The following ABCB5 variants were observed in gnomAD, a reference collection of about 807,000 sequenced individuals.
ABCB5 encodes the protein ATP-binding cassette sub-family B member 5.
In ABCB5, 155 loss-of-function variants were observed where a neutral mutation model predicts 144.2. The observed-to-expected ratio is 1.08, with a 90% CI of 0.94 to 1.23. ABCB5 has a LOEUF of 1.23. Ranked by LOEUF, ABCB5 falls within the 50% of genes most tolerant of loss-of-function variation. ABCB5 has a pLI of 0.00. For missense variants in ABCB5, 1,830 were observed against 1,520.8 expected (o/e 1.20, Z -3.38); for synonymous variants, 610 against 528.6 (o/e 1.15, Z -2.11).
intron 2 of ABCB5, 90 bp downstream of exon 2, chr7:20,623,428 T>C (rs1048270621): frequency 3.0e-5 from 34 of 1,135,646 alleles, no homozygotes; most frequent in Non-Finnish European, 4.2e-5. Context: ...GTTTATAATT[T>C]TTTCCCAAAA....
At chr7:20,742,228 G>T (rs2128055181) in intron 24 of ABCB5, among the ~76,000 whole-genome samples, 1 of 152,224 alleles carries the variant, frequency 6.6e-6, no homozygotes, top group East Asian at 1.9e-4. Context: ...ACAAAAATTG[G>T]CTGGGTGTGG....
intron 19 of ABCB5, 81 bp downstream of exon 19, chr7:20,700,216 A>T: frequency 8.3e-7 from 1 of 1,204,638 alleles, no homozygotes; most frequent in Non-Finnish European, 1.1e-6. Context: ...TCTCAAGTCA[A>T]TTTTTGACAT....
intron 16 of ABCB5, among the ~76,000 whole-genome samples, chr7:20,688,929 G>C (rs1274492330): frequency 6.6e-6 from 1 of 151,810 alleles, no homozygotes; most frequent in South Asian, 2.1e-4. Flanking sequence ...AGAACACTTG[G>C]ACACAGGAAG....
intron 14 of ABCB5, among the ~76,000 whole-genome samples, chr7:20,672,458 G>A (rs1785479015): frequency 6.6e-6 from 1 of 152,140 alleles, no homozygotes; most frequent in East Asian, 1.9e-4. Context: ...TGAGTGTGGG[G>A]CTTAATACCC....
intron 5 of ABCB5, among the ~76,000 whole-genome samples, chr7:20,639,622 G>T (rs1307955720): frequency 1.3e-5 from 2 of 152,130 alleles, no homozygotes; most frequent in Non-Finnish European, 2.9e-5. Flanking sequence ...CAATTAAATT[G>T]CCTTGGCACC....
At chr7:20,697,778 A>T (rs1355054099) in intron 16 of ABCB5, among the ~76,000 whole-genome samples, 3 of 152,230 alleles carry the variant, frequency 2.0e-5, no homozygotes, top group African/African-American at 7.2e-5. Flanking sequence ...TGTACTGAAT[A>T]AAGCTTAATT....
At chr7:20,718,938 CA>C (rs1781773801) in intron 20 of ABCB5, among the ~76,000 whole-genome samples, 1 of 152,036 alleles carries the variant, frequency 6.6e-6, no homozygotes. Flanking sequence ...AGATTTTTCA[CA>C]AAGATGTTCA....
At chr7:20,687,232 T>C (rs2128040468) in intron 16 of ABCB5, among the ~76,000 whole-genome samples, 1 of 152,310 alleles carries the variant, frequency 6.6e-6, no homozygotes, top group East Asian at 1.9e-4. Flanking sequence ...TATGGAAATC[T>C]GCCTCTAGGT....
Position 20,651,263 on chromosome 7 carries a change from G to A in ABCB5, c.1333-157G>A, listed in dbSNP as rs989405221. ...TGCCCATCTACCAGAAAAAGTCTATGGACAATATATATGTTAGAAATATTT... is the reference window on the plus strand; with the variant it reads ...TGCCCATCTACCAGAAAAAGTCTATAGACAATATATATGTTAGAAATATTT... On this transcript the variant is annotated intron_variant, in intron 12 of 27. Coordinates refer to ENST00000404938, the MANE Select transcript of ABCB5 (RefSeq NM_001163941.2). 2.6e-5 allele frequency among the ~76,000 whole-genome samples: 4 copies of A among 151,972 alleles called. No individual in the cohort carries two copies. In the East Asian group the frequency reaches 7.7e-4, roughly 29 times the overall value.
intron 13 of ABCB5, among the ~76,000 whole-genome samples, chr7:20,654,601 A>C (rs769836070): frequency 1.3e-5 from 2 of 152,224 alleles, no homozygotes; most frequent in Non-Finnish European, 2.9e-5. Context: ...GGGCCATCAA[A>C]ACAAACAAAA....
At chr7:20,670,686 C>G (rs1972525) in intron 14 of ABCB5, among the ~76,000 whole-genome samples, 137,882 of 152,244 alleles carry the variant, frequency 0.91, 62,623 homozygotes, top group East Asian at 1. Context: ...AAGGTGGGCG[C>G]ATCACCTGAG....
At chr7:20,730,233 G>T (rs56839020) in intron 23 of ABCB5, among the ~76,000 whole-genome samples, 5,841 of 152,328 alleles carry the variant, frequency 0.038, 247 homozygotes, top group African/African-American at 0.1. Context: ...AGAAGGGCTG[G>T]ATGTGGTGGC....
intron 5 of ABCB5, among the ~76,000 whole-genome samples, chr7:20,635,412 A>G (rs1784136541): frequency 6.7e-6 from 1 of 149,848 alleles, no homozygotes; most frequent in Admixed American, 6.7e-5. Flanking sequence ...GTTGCATATG[A>G]ATTTTAGGAC....
intron 16 of ABCB5, among the ~76,000 whole-genome samples, chr7:20,690,826 G>C (rs1349694638): frequency 1.3e-5 from 2 of 152,180 alleles, no homozygotes; most frequent in African/African-American, 4.8e-5. Flanking sequence ...GGAAACCCAG[G>C]AGAGTGTTGT....
chr7:20,734,894 T>C (rs1346085569), intron 23 of ABCB5, among the ~76,000 whole-genome samples: 1 of 152,246 alleles, frequency 6.6e-6, no homozygotes, highest in Non-Finnish European at 1.5e-5. Context: ...GTTATTTCAC[T>C]ATAAATGTGT....
intron 14 of ABCB5, among the ~76,000 whole-genome samples, chr7:20,676,231 T>C (rs1204405672): frequency 6.6e-6 from 1 of 150,654 alleles, no homozygotes; most frequent in African/African-American, 2.4e-5. Flanking sequence ...TTAATTCCAA[T>C]AATCTGGATA....
At chr7:20,725,496 T>C (rs1235657169) in intron 21 of ABCB5, among the ~76,000 whole-genome samples, 1 of 152,170 alleles carries the variant, frequency 6.6e-6, no homozygotes, top group African/African-American at 2.4e-5. Context: ...GGAGAATCAC[T>C]TGAAGCCAGG....
At chr7:20,619,169 A>G (rs1231573137) in intron 1 of ABCB5, among the ~76,000 whole-genome samples, 1 of 152,140 alleles carries the variant, frequency 6.6e-6, no homozygotes, top group Non-Finnish European at 1.5e-5. Context: ...TAAACATAAG[A>G]GTGCATGCGT....
chr7:20,694,214 G>A (rs1009233225), intron 16 of ABCB5, among the ~76,000 whole-genome samples: 5 of 151,600 alleles, frequency 3.3e-5, no homozygotes, highest in East Asian at 1.9e-4. Flanking sequence ...GAACATAGAC[G>A]AAAGAATTCT....
Sources: allele counts gnomAD v4.1 joint callset (sites outside exome capture counted in the v4.1 genomes callset), GRCh38; gene constraint gnomAD v4.1.1; transcripts MANE v1.5; gene names NCBI Gene and HGNC (gene_info 2026-07-23, HGNC 2026-07-21).